ILKAP: variants seen among roughly 807,000 people sequenced by gnomAD.
ILKAP encodes the protein ILK associated serine/threonine phosphatase.
ILKAP carries 11 observed loss-of-function variants against 49.1 expected under a neutral mutation model. The ratio of observed to expected loss-of-function variants is 0.22; its 90% CI spans 0.14 to 0.37. The LOEUF (loss-of-function observed/expected upper bound fraction) is 0.37. Among genes scored for constraint, ILKAP ranks in the 10% least tolerant of loss-of-function variants. The pLI is 1.00. For synonymous variants in ILKAP, 186 were observed against 192.8 expected, an observed-to-expected ratio of 0.96 and a Z score of 0.29; for missense variants, 363 against 510.8, an observed-to-expected ratio of 0.71 and a Z score of 2.79.
intron 10 of ILKAP, among the ~76,000 whole-genome samples, chr2:238,172,709 T>C (rs775506969): frequency 1.3e-5 from 2 of 152,200 alleles, no homozygotes; most frequent in Non-Finnish European, 2.9e-5. Context: ...GCGCTCTTCA[T>C]CCGCAGCACT....
At chr2:238,175,033 G>A (rs1042165832) in intron 9 of ILKAP, among the ~76,000 whole-genome samples, 1 of 152,148 alleles carries the variant, frequency 6.6e-6, no homozygotes, top group Non-Finnish European at 1.5e-5. Flanking sequence ...TTCTGGTACT[G>A]CACAACACAG....
At chr2:238,179,127 T>A (rs1288368499) in intron 9 of ILKAP, among the ~76,000 whole-genome samples, 1 of 152,132 alleles carries the variant, frequency 6.6e-6, no homozygotes, top group Non-Finnish European at 1.5e-5. Context: ...TAAACATTAA[T>A]ACACACATAT....
Position 238,203,542 on chromosome 2 carries a change from G to A in ILKAP, c.12C>T (p.Phe4=), listed in dbSNP as rs1256573740. ...AGCGCTCGGGCTCCGGCAGGTCCCC[G>A]AAGAGGTCCATGGCGGAGGCTGGGT... is the stretch of plus-strand genomic sequence containing the variant. MDL[F]GDLPEPERSP... is the part of the protein sequence containing the mutation. The change falls in exon 1 of 12, where the codon TTC becomes TTT. Residue 4 remains phenylalanine (F), a synonymous_variant. Transcript: ENST00000254654. The A allele has an allele frequency of 1.6e-6, 2 of 1,213,142 alleles. No homozygotes were observed. The highest frequency in any genetic ancestry group is 3.9e-5 in the East Asian group (1 of 25,408). The allele number at this position is 1,213,142 out of a possible 1,614,324, so 75.1% of individuals were successfully genotyped here.
At chr2:238,190,374 G>A (rs573550398) in intron 3 of ILKAP, among the ~76,000 whole-genome samples, 2 of 152,022 alleles carry the variant, frequency 1.3e-5, no homozygotes, top group Non-Finnish European at 2.9e-5. Flanking sequence ...ACAAGTACTC[G>A]AAAAGGCTCA....
chr2:238,203,293 C>A (rs1040121864), intron 1 of ILKAP, among the ~76,000 whole-genome samples: 2 of 150,742 alleles, frequency 1.3e-5, no homozygotes, highest in African/African-American at 4.8e-5. Flanking sequence ...GGCGGAGCGG[C>A]CTCTCCGAGC....
At chr2:238,177,080 AAAAT>A (rs1297352638) in intron 9 of ILKAP, among the ~76,000 whole-genome samples, 1 of 152,232 alleles carries the variant, frequency 6.6e-6, no homozygotes, top group Non-Finnish European at 1.5e-5. Context: ...TTGTAAAATA[AAAAT>A]AAAACTTGTC....
At chr2:238,184,542 A>T (rs963005593) in intron 6 of ILKAP, among the ~76,000 whole-genome samples, 1 of 151,840 alleles carries the variant, frequency 6.6e-6, no homozygotes, top group Non-Finnish European at 1.5e-5. Flanking sequence ...ATTAAGAACA[A>T]TCCCTATTTC....
At chr2:238,199,146 C>T (rs1355160645) in intron 1 of ILKAP, among the ~76,000 whole-genome samples, 2 of 152,184 alleles carry the variant, frequency 1.3e-5, no homozygotes, top group African/African-American at 4.8e-5. Context: ...ACACCCAAGT[C>T]TAATTCATCC....
In ILKAP at chr2:238,186,176, G is replaced by A. The variant is rs1414398486; in HGVS notation, c.426-889C>T. 1.3e-5 allele frequency: 2 copies of A among 152,310 alleles called. 1 individual carries two copies. The highest frequency in any genetic ancestry group is 4.1e-4 in the South Asian group (2 of 4,822). 9.4% of individuals were successfully genotyped at this position (152,310 alleles called of 1,614,324 possible). A position where few individuals can be genotyped will look rare whatever the true frequency, so the allele number is the denominator to read the frequency against. On this transcript the variant is annotated intron_variant, in intron 5 of 11. Transcript: ENST00000254654. ...GAACATATTTACAGAAACTAACACG[G>A]CGCAGCTTACTACACACCTAAGCTA...
intron 5 of ILKAP, 182 bp from the exon 6 acceptor site, chr2:238,185,469 A>C: frequency 1.9e-6 from 1 of 527,448 alleles, no homozygotes; most frequent in South Asian, 2.7e-5. Flanking sequence ...ACAAATATTT[A>C]AGTAACTTTC....
At chr2:238,192,188 AGAGT>A (rs1169221282) in intron 3 of ILKAP, among the ~76,000 whole-genome samples, 1 of 149,846 alleles carries the variant, frequency 6.7e-6, no homozygotes, top group Non-Finnish European at 1.5e-5. Context: ...GCCTGCCAAC[AGAGT>A]GAGACTGTCT....
At chr2:238,181,893 C>T (rs2106331063) in intron 9 of ILKAP, among the ~76,000 whole-genome samples, 172 bp downstream of exon 9, 1 of 152,320 alleles carries the variant, frequency 6.6e-6, no homozygotes, top group South Asian at 2.1e-4. Flanking sequence ...CACGTGGACA[C>T]ATGTGAAATC....
intron 1 of ILKAP, among the ~76,000 whole-genome samples, chr2:238,201,181 G>GT (rs34064353): frequency 3.4e-4 from 51 of 150,898 alleles, no homozygotes; most frequent in Non-Finnish European, 3.4e-4. Flanking sequence ...TTCAAAGTAT[G>GT]TTTTTTTTTT....
At chr2:238,195,860 T>C (rs1449504945) in intron 1 of ILKAP, among the ~76,000 whole-genome samples, 1 of 151,578 alleles carries the variant, frequency 6.6e-6, no homozygotes, top group East Asian at 2.0e-4. Flanking sequence ...CTGGACAACA[T>C]GGCAAAAAAA....
intron 5 of ILKAP, 137 bp downstream of exon 5, chr2:238,187,993 AC>A (rs1264332088): frequency 1.9e-6 from 2 of 1,039,364 alleles, no homozygotes; most frequent in Non-Finnish European, 2.8e-6. Flanking sequence ...AGCAAAATCA[AC>A]CCCAGCTGAG....
At position 238,189,962 on chromosome 2, in the gene ILKAP, G is replaced by A; in HGVS notation, c.189C>T (p.Ala63=). 1 of 1,613,752 alleles carries A rather than the reference G, an allele frequency of 6.2e-7. No homozygotes were observed. Among genetic ancestry groups the A allele is most frequent in the Non-Finnish European group, 8.5e-7 (1 of 1,179,886 alleles). The part of the protein sequence containing the change: ...PASSGDSGSL[A]TSISQMVKTE... The stretch of plus-strand genomic sequence containing the variant: ...TCTTTACCATCTGGGATATTGATGT[G>A]GCAAGAGAACCTGGAAATAAAGTAA... The change falls in exon 4 of 12, where the codon GCC becomes GCT. Residue 63 remains alanine, a synonymous_variant. Coordinates refer to ENST00000254654, the MANE Select transcript of ILKAP (RefSeq NM_030768.3).
At chr2:238,173,319 A>G (rs867794518) in intron 10 of ILKAP, among the ~76,000 whole-genome samples, 1 of 151,582 alleles carries the variant, frequency 6.6e-6, no homozygotes, top group Middle Eastern at 3.4e-3. Flanking sequence ...GCACATGCCT[A>G]GGACACACTG....
intron 6 of ILKAP, among the ~76,000 whole-genome samples, chr2:238,184,840 A>T (rs1490374101): frequency 2.0e-5 from 3 of 151,980 alleles, no homozygotes; most frequent in African/African-American, 7.3e-5. Context: ...TGTGTGAGCC[A>T]CCGTGCCCAG....
intron 1 of ILKAP, among the ~76,000 whole-genome samples, chr2:238,203,069 C>G (rs1332147852): frequency 6.6e-6 from 1 of 151,906 alleles, no homozygotes; most frequent in Non-Finnish European, 1.5e-5. Context: ...TTCCACAGCC[C>G]GCGGGTGAAG....
Sources: allele counts gnomAD v4.1 joint callset (sites outside exome capture counted in the v4.1 genomes callset), GRCh38; gene constraint gnomAD v4.1.1; transcripts MANE v1.5; gene names NCBI Gene and HGNC (gene_info 2026-07-23, HGNC 2026-07-21).